Variants in NEK10 observed in about 807,000 individuals in gnomAD.
NEK10 encodes the protein serine/threonine-protein kinase Nek10.
Under a neutral mutation model 159.8 loss-of-function variants are expected in NEK10, and 122 were observed. That is an observed-to-expected ratio of 0.76 (90% confidence interval 0.66 to 0.89). The LOEUF is 0.89. Among genes scored for constraint, NEK10 ranks in the 40% least tolerant of loss-of-function variants. The pLI, the probability that NEK10 is intolerant of heterozygous loss-of-function variation, is 0.00. For missense variants in NEK10, 1,342 were observed against 1,323.1 expected (o/e 1.01, Z -0.22); for synonymous variants, 466 against 457.1 (o/e 1.02, Z -0.25).
intron 23 of NEK10, among the ~76,000 whole-genome samples, chr3:27,206,208 C>T (rs1403225085): frequency 2.6e-5 from 4 of 152,072 alleles, no homozygotes; most frequent in Admixed American, 1.3e-4. Flanking sequence ...TGAAACACTG[C>T]TATGTTTTTC....
intron 9 of NEK10, chr3:27,309,753 T>C (rs1283650705): frequency 6.6e-6 from 1 of 152,210 alleles, no homozygotes; most frequent in African/African-American, 2.4e-5. Context: ...TATGAAACGA[T>C]TTTTCAACAA....
chr3:27,225,261 G>A (rs1369089403), intron 23 of NEK10, among the ~76,000 whole-genome samples: 1 of 152,098 alleles, frequency 6.6e-6, no homozygotes, highest in Non-Finnish European at 1.5e-5. Flanking sequence ...TGATTAGATG[G>A]TGCCCACCAA....
At chr3:27,145,538 A>G (rs887282688) in intron 30 of NEK10, among the ~76,000 whole-genome samples, 1 of 152,142 alleles carries the variant, frequency 6.6e-6, no homozygotes, top group Non-Finnish European at 1.5e-5. Context: ...GACGCTAAAG[A>G]GCTATTTTGT....
chr3:27,206,737 C>A (rs1353907893), intron 23 of NEK10: 4 of 423,766 alleles, frequency 9.4e-6, no homozygotes, highest in Non-Finnish European at 1.3e-5. Flanking sequence ...GGACTCTAAA[C>A]AATTTGCCTA....
intron 23 of NEK10, among the ~76,000 whole-genome samples, chr3:27,241,189 G>T (rs1051100911): frequency 2.0e-5 from 3 of 152,140 alleles, no homozygotes; most frequent in Non-Finnish European, 4.4e-5. Context: ...TGTTCAGAGA[G>T]CATGGGGGGA....
At chr3:27,128,362 A>G (rs1210294658) in intron 32 of NEK10, among the ~76,000 whole-genome samples, 1 of 152,174 alleles carries the variant, frequency 6.6e-6, no homozygotes, top group Admixed American at 6.6e-5. Context: ...ATAATGCCTG[A>G]TTGTCCTTCT....
At position 27,290,656 on chromosome 3, in the gene NEK10, T is replaced by C. The variant is rs375841529; in HGVS notation, c.1704A>G (p.Val568=). The C allele has an allele frequency of 1.2e-5, 19 of 1,607,364 alleles. No individual in the cohort carries two copies. Among genetic ancestry groups the C allele is most frequent in the Non-Finnish European group, 1.6e-5 (19 of 1,175,656 alleles). ...GKDKKDRDSS[V]RNIVSELTII... ...TTGTTAATTCAGAAACAATATTCCT[T>C]ACGCTGCTGTCTCGATCTTTCTTAT... Residue 568 remains valine, a synonymous_variant, in exon 19 of 36, where the codon GTA becomes GTG. Transcript: ENST00000691995.
At chr3:27,134,522 C>T (rs1942983013) in intron 31 of NEK10, among the ~76,000 whole-genome samples, 1 of 152,138 alleles carries the variant, frequency 6.6e-6, no homozygotes, top group South Asian at 2.1e-4. Context: ...GGGACTTAAC[C>T]CACTACTGGA....
chr3:27,337,104 GA>G (rs750892417), intron 5 of NEK10, among the ~76,000 whole-genome samples: 4 of 151,940 alleles, frequency 2.6e-5, no homozygotes, highest in Non-Finnish European at 5.9e-5. Context: ...ACTCAGGTAT[GA>G]AAACTAAATT....
intron 23 of NEK10, among the ~76,000 whole-genome samples, chr3:27,219,942 G>T (rs1951920069): frequency 6.6e-6 from 1 of 151,922 alleles, no homozygotes; most frequent in South Asian, 2.1e-4. Flanking sequence ...AACAATCCAA[G>T]ATGAAATTAA....
At chr3:27,215,660 C>T (rs574321081) in intron 23 of NEK10, 49 of 576,878 alleles carry the variant, frequency 8.5e-5, no homozygotes, top group Non-Finnish European at 1.5e-4. Context: ...TGTATGAATC[C>T]GTTCTTGCAC....
chr3:27,295,709 C>A lies in NEK10; in HGVS notation c.1231-19G>T, dbSNP rs749035963. 9 of 1,555,082 alleles carry A rather than the reference C, an allele frequency of 5.8e-6. No homozygotes were observed. Among genetic ancestry groups the A allele is most frequent in the South Asian group, 1.2e-5 (1 of 84,442 alleles). ...CATTTTCCTGAAAGAATAAAGGGGT[C>A]ATACTATGAGTGACAACACTGTAGT... is the stretch of plus-strand genomic sequence containing the variant. On this transcript the variant is annotated intron_variant, in intron 14 of 35. Coordinates refer to ENST00000691995, the MANE Select transcript of NEK10 (RefSeq NM_001394966.1).
At chr3:27,156,318 T>C (rs151144964) in intron 30 of NEK10, among the ~76,000 whole-genome samples, 87 of 152,030 alleles carry the variant, frequency 5.7e-4, no homozygotes, top group African/African-American at 2.0e-3. Flanking sequence ...AATTAAACTA[T>C]AGAGCTTTTG....
At chr3:27,262,977 G>A (rs1452413527) in intron 22 of NEK10, among the ~76,000 whole-genome samples, 1 of 152,110 alleles carries the variant, frequency 6.6e-6, no homozygotes, top group African/African-American at 2.4e-5. Flanking sequence ...CTTTGATGAT[G>A]GTGACGTACA....
Position 27,108,547 on chromosome 3 carries a change from A to C in NEK10, c.*2725T>G, listed in dbSNP as rs1188353819. Among the ~76,000 whole-genome samples the C allele has an allele frequency of 6.6e-6, 1 of 152,242 alleles. No homozygotes were observed. ...TGTGTTTCAAAAGTAATCTGAAAAG[A>C]CTGATTCATATTCTATTCCATGCAA... On this transcript the variant is annotated 3_prime_UTR_variant, in exon 36 of 36. Coordinates refer to ENST00000691995, the MANE Select transcript of NEK10 (RefSeq NM_001394966.1).
intron 23 of NEK10, among the ~76,000 whole-genome samples, chr3:27,230,463 T>TA (rs928184084): frequency 6.6e-6 from 1 of 151,596 alleles, no homozygotes; most frequent in African/African-American, 2.4e-5. Flanking sequence ...TAATACAATG[T>TA]AAAAAAAGTA....
At chr3:27,215,619 G>T (rs1372981118) in intron 23 of NEK10, 2 of 464,710 alleles carry the variant, frequency 4.3e-6, no homozygotes, top group Non-Finnish European at 7.6e-6. Context: ...AATAAGGATT[G>T]TACTTTATTT....
At chr3:27,260,347 C>G (rs566389614) in intron 22 of NEK10, among the ~76,000 whole-genome samples, 10 of 152,136 alleles carry the variant, frequency 6.6e-5, no homozygotes, top group Middle Eastern at 3.4e-3. Flanking sequence ...TATGATATTG[C>G]CTGTGGGTTT....
intron 25 of NEK10, among the ~76,000 whole-genome samples, chr3:27,197,129 C>G (rs1386546845): frequency 6.6e-6 from 1 of 151,952 alleles, no homozygotes; most frequent in East Asian, 1.9e-4. Context: ...GATCAGAAAA[C>G]AGGGACGCAG....
Sources: gnomAD v4.1 joint callset for allele counts (sites outside exome capture counted in the v4.1 genomes callset) on GRCh38, gnomAD v4.1.1 for gene constraint, MANE v1.5 for transcripts, NCBI Gene and HGNC (gene_info 2026-07-23, HGNC 2026-07-21) for gene names.